ZNF157: variants seen among roughly 807,000 people sequenced by gnomAD.
The protein encoded by ZNF157 is zinc finger protein 157.
In ZNF157, 8 loss-of-function variants were observed where a neutral mutation model predicts 9.4. The observed-to-expected ratio is 0.85, with a 90% CI of 0.50 to 1.53. The LOEUF is 1.53. Ranked by LOEUF, ZNF157 falls within the 40% of genes most tolerant of loss-of-function variation. The probability of loss-of-function intolerance (pLI) is 0.00; values close to 1 mark genes in which losing one functional copy is unlikely to be tolerated. For missense variants in ZNF157, 316 were observed against 385.2 expected (o/e 0.82, Z 1.50); for synonymous variants, 120 against 130.8 (o/e 0.92, Z 0.56).
At chrX:47,383,684 G>GAAA (rs11324804) in intron 1 of ZNF157, among the ~76,000 whole-genome samples, 3 of 41,558 alleles carry the variant, frequency 7.2e-5, no homozygotes, top group African/African-American at 9.3e-5. Context: ...CTCTGTCTCA[G>GAAA]AAAAAAAAAA....
chrX:47,388,397 T>G (rs527624942), intron 1 of ZNF157, among the ~76,000 whole-genome samples: 4 of 99,706 alleles, frequency 4.0e-5, no homozygotes, highest in Non-Finnish European at 8.1e-5. Flanking sequence ...TGTTTTTTTG[T>G]TTTTTTTTTT....
At chrX:47,396,938 C>T (rs771432609) in intron 1 of ZNF157, among the ~76,000 whole-genome samples, 1 of 111,280 alleles carries the variant, frequency 9.0e-6, no homozygotes, top group South Asian at 3.8e-4. Context: ...TCTTGTGAGA[C>T]TTATTCACTA....
At chrX:47,396,572 G>T (rs779253593) in intron 1 of ZNF157, among the ~76,000 whole-genome samples, 79 of 111,169 alleles carry the variant, frequency 7.1e-4, no homozygotes, top group African/African-American at 2.5e-3. Context: ...ATATATAGTC[G>T]TAATTTATGC....
chrX:47,412,952 CA>C lies in ZNF157; in HGVS notation c.880del (p.Arg294GlufsTer24). ...TAAAGATATCCCTTACCCAACACCA[CA>C]GAACTCATACAGGGGAGAAACCTTA... is the stretch of plus-strand genomic sequence containing the variant. Reference protein sequence around the residue: ...RVKISLTQHHRTHTGEKPYEC... With the variant: ...RVKISLTQHHXTHTGEKPYEC... On this transcript the variant is annotated frameshift_variant, in exon 4 of 4. Transcript: ENST00000377073. LOFTEE classifies it low-confidence loss of function (END_TRUNC). 1 of 1,210,229 alleles carries C rather than the reference CA, an allele frequency of 8.3e-7. No individual in the cohort carries two copies. Among genetic ancestry groups the C allele is most frequent in the Non-Finnish European group, 1.1e-6 (1 of 894,844 alleles).
At chrX:47,406,435 G>C (rs1320062775) in intron 1 of ZNF157, among the ~76,000 whole-genome samples, 1 of 110,207 alleles carries the variant, frequency 9.1e-6, no homozygotes. Context: ...GTGCAGTGGC[G>C]AGATCTTGGC....
At position 47,412,719 on chromosome X, in the gene ZNF157, A is replaced by C; in HGVS notation, c.646A>C (p.Arg216=). ...IAHQKTHTGE[R]PFECNECGKS... ...TCATCAGAAAACTCACACAGGGGAG[A>C]GGCCCTTTGAATGTAATGAATGTGG... is the stretch of plus-strand genomic sequence containing the variant. Residue 216 remains arginine (R), a synonymous_variant, in exon 4 of 4, where the codon AGG becomes CGG. Coordinates refer to ENST00000377073, the MANE Select transcript of ZNF157 (RefSeq NM_003446.4). 8.3e-7 allele frequency: 1 copy of C among 1,211,839 alleles called. No individual in the cohort carries two copies. Among genetic ancestry groups the C allele is most frequent in the Non-Finnish European group, 1.1e-6 (1 of 895,547 alleles).
chrX:47,382,282 C>CTTTTTTTTTTT (rs764704009), intron 1 of ZNF157, among the ~76,000 whole-genome samples: 2 of 53,365 alleles, frequency 3.7e-5, no homozygotes, highest in African/African-American at 1.7e-4. Context: ...TTCAACAGAA[C>CTTTTTTTTTTT]TTTTTTTTTT....
chrX:47,370,748 G>A lies in ZNF157; in HGVS notation c.72+8G>A. The A allele has an allele frequency of 8.5e-7, 1 of 1,175,401 alleles. No homozygotes were observed. The highest frequency in any genetic ancestry group is 1.1e-6 in the Non-Finnish European group (1 of 876,647). ...CCTGGCAGATCTTTTGAGGTAAGGA[G>A]GAGGATCCTATTTTTTTCTATATGT... On this transcript the variant is annotated splice_region_variant and intron_variant, in intron 1 of 3. Coordinates refer to ENST00000377073, the MANE Select transcript of ZNF157 (RefSeq NM_003446.4).
intron 1 of ZNF157, among the ~76,000 whole-genome samples, chrX:47,409,592 C>T (rs1297967220): frequency 9.2e-6 from 1 of 108,863 alleles, no homozygotes; most frequent in Non-Finnish European, 1.9e-5. Context: ...ATCCGCCTGC[C>T]TCGGCCTCCC....
intron 1 of ZNF157, among the ~76,000 whole-genome samples, chrX:47,401,744 G>A (rs1479474857): frequency 9.0e-6 from 1 of 111,469 alleles, no homozygotes; most frequent in East Asian, 2.8e-4. Flanking sequence ...TTGCTCTTCA[G>A]TTTTTTGTTT....
intron 1 of ZNF157, among the ~76,000 whole-genome samples, chrX:47,400,909 G>A (rs751829456): frequency 3.6e-5 from 4 of 111,268 alleles, no homozygotes; most frequent in African/African-American, 9.8e-5. Context: ...CTCCCATCTC[G>A]GCCTCCCAAA....
chrX:47,410,877 T>G, intron 3 of ZNF157, 102 bp downstream of exon 3: 2 of 647,675 alleles, frequency 3.1e-6, no homozygotes, highest in Non-Finnish European at 4.8e-6. Context: ...TAGGAATCTC[T>G]TTTTAGAGTT....
chrX:47,400,197 A>C (rs974801348), intron 1 of ZNF157, among the ~76,000 whole-genome samples: 4 of 109,432 alleles, frequency 3.7e-5, no homozygotes, highest in Admixed American at 9.9e-5. Flanking sequence ...GTGTTTCATC[A>C]TGTTGGTCAG....
At chrX:47,373,199 A>T (rs1602756791) in intron 1 of ZNF157, among the ~76,000 whole-genome samples, 1 of 66,634 alleles carries the variant, frequency 1.5e-5, no homozygotes. Flanking sequence ...ACTCTGTCTT[A>T]AAAAAAAATC....
At chrX:47,395,691 G>A (rs1466278327) in intron 1 of ZNF157, among the ~76,000 whole-genome samples, 2 of 112,240 alleles carry the variant, frequency 1.8e-5, no homozygotes, top group African/African-American at 3.2e-5. Flanking sequence ...TGGTCCAGGA[G>A]TGGTGGCTCA....
At chrX:47,401,533 C>T (rs1391378740) in intron 1 of ZNF157, among the ~76,000 whole-genome samples, 3 of 111,737 alleles carry the variant, frequency 2.7e-5, no homozygotes, top group African/African-American at 9.8e-5. Flanking sequence ...TGATTAGGTA[C>T]TGTGTTTCTC....
intron 1 of ZNF157, among the ~76,000 whole-genome samples, chrX:47,401,523 T>G (rs896125053): frequency 8.9e-6 from 1 of 111,776 alleles, no homozygotes; most frequent in African/African-American, 3.3e-5. Flanking sequence ...ACAAGTAACC[T>G]GATTAGGTAC....
chrX:47,382,441 G>A (rs903875319), intron 1 of ZNF157, among the ~76,000 whole-genome samples: 1 of 105,899 alleles, frequency 9.4e-6, no homozygotes, highest in African/African-American at 3.4e-5. Flanking sequence ...GGCTTGTCTC[G>A]GACTCCTGAC....
Position 47,413,128 on chromosome X carries a change from A to G in ZNF157, c.1055A>G (p.His352Arg). The change falls in exon 4 of 4, where the codon CAC (histidine) becomes CGC (arginine). Residue 352 changes from histidine (H) to arginine (R), a missense_variant. His to Arg is a conservative substitution (Grantham distance 29). Around this residue, in one of 3 missense-constraint regions of ZNF157, gnomAD observed 167 missense variants for 183.6 expected, o/e 0.91. Transcript: ENST00000377073. ...KMTLNNHQRT[H>R]TGEKPYQCNE... is the part of the protein sequence containing the mutation. ...ACTCTCAATAATCATCAAAGAACTC[A>G]CACAGGTGAAAAGCCCTATCAGTGT... The G allele has an allele frequency of 2.5e-6, 3 of 1,211,614 alleles. No individual in the cohort carries two copies. The highest frequency in any genetic ancestry group is 3.4e-6 in the Non-Finnish European group (3 of 895,277).
Sources: allele counts gnomAD v4.1 joint callset (sites outside exome capture counted in the v4.1 genomes callset), GRCh38; gene constraint gnomAD v4.1.1; regional missense constraint gnomAD v4.1.1; transcripts MANE v1.5; gene names NCBI Gene and HGNC (gene_info 2026-07-23, HGNC 2026-07-21).